Variants in SHANK2 observed in about 807,000 individuals in gnomAD.
The protein encoded by SHANK2 is SH3 and multiple ankyrin repeat domains 2, also known as SH3 and multiple ankyrin repeat domains protein 2.
SHANK2 carries 43 observed loss-of-function variants against 133.7 expected under a neutral mutation model. The observed-to-expected ratio is 0.32, with a 90% CI of 0.25 to 0.41. The LOEUF (loss-of-function observed/expected upper bound fraction) is 0.41. Ranked by LOEUF, SHANK2 falls within the 10% of genes least tolerant of loss-of-function variation. The pLI is 1.00. For synonymous variants in SHANK2, 1,017 were observed against 952.8 expected (o/e 1.07, Z -1.24); for missense variants, 1,994 against 2,235.8 (o/e 0.89, Z 2.18).
chr11:70,938,840 A>T (rs1950605783), intron 10 of SHANK2, among the ~76,000 whole-genome samples: 1 of 152,108 alleles, frequency 6.6e-6, no homozygotes, highest in Non-Finnish European at 1.5e-5. Context: ...CACGGCAGAG[A>T]AGGGAGGTGA....
chr11:71,226,087 C>T (rs1224630405), intron 1 of SHANK2, among the ~76,000 whole-genome samples: 1 of 152,174 alleles, frequency 6.6e-6, no homozygotes, highest in East Asian at 1.9e-4. Flanking sequence ...ATGCCATGCA[C>T]TCCAGCCTGG....
chr11:70,739,384 G>C lies in SHANK2; in HGVS notation c.1778-40621C>G, dbSNP rs1056857867. 1.3e-5 allele frequency among the ~76,000 whole-genome samples: 2 copies of C among 152,192 alleles called. No homozygotes were observed. The highest frequency in any genetic ancestry group is 2.9e-5 in the Non-Finnish European group (2 of 68,038). ...GGTGGACAATGAAGACAATCGTGTG[G>C]AGCAGCTGCTGCGGTGAGGCCAGGC... is the stretch of plus-strand genomic sequence containing the variant. On this transcript the variant is annotated intron_variant, in intron 14 of 25. Transcript: ENST00000601538. The surrounding 1 kb of genome is among the most constrained non-coding windows in gnomAD (Gnocchi z 4.3).
Position 70,838,647 on chromosome 11 carries a change from A to C in SHANK2, c.1175-17965T>G, listed in dbSNP as rs151307222. On this transcript the variant is annotated intron_variant, in intron 11 of 25. Coordinates refer to ENST00000601538, the MANE Select transcript of SHANK2 (RefSeq NM_012309.5). ...ATGCTGGGACTCAATTCTATACTCT[A>C]TCTCTCCTGTGGAAGAAATTACTGA... Among the ~76,000 whole-genome samples, 7 of 152,088 alleles carry C rather than the reference A, an allele frequency of 4.6e-5. No homozygotes were observed. In the East Asian group the frequency reaches 5.8e-4, roughly 13 times the overall value.
intron 21 of SHANK2, among the ~76,000 whole-genome samples, chr11:70,498,257 C>A (rs1451997020): frequency 3.3e-5 from 5 of 152,254 alleles, no homozygotes; most frequent in Admixed American, 6.5e-5. Context: ...AAAAGGAAAA[C>A]ACACACATCT....
At chr11:71,191,489 A>C (rs1181155999) in intron 2 of SHANK2, among the ~76,000 whole-genome samples, 2 of 151,712 alleles carry the variant, frequency 1.3e-5, no homozygotes, top group African/African-American at 2.4e-5. Context: ...CCCTCCACGC[A>C]TCCCTCATAG....
intron 10 of SHANK2, among the ~76,000 whole-genome samples, chr11:70,922,455 A>C (rs919287868): frequency 6.6e-6 from 1 of 152,210 alleles, no homozygotes; most frequent in Non-Finnish European, 1.5e-5. Context: ...CTAGGCACAC[A>C]AATACTGAAA....
intron 20 of SHANK2, among the ~76,000 whole-genome samples, chr11:70,501,331 CTGCCTGTG>C (rs1341778872): frequency 6.6e-6 from 1 of 152,238 alleles, no homozygotes; most frequent in Non-Finnish European, 1.5e-5. Flanking sequence ...CTCGGGAAAG[CTGCCTGTG>C]CCAGAGTGCA....
chr11:70,650,675 AC>A (rs1194722044), intron 17 of SHANK2, among the ~76,000 whole-genome samples: 1 of 151,904 alleles, frequency 6.6e-6, no homozygotes, highest in Non-Finnish European at 1.5e-5. Context: ...AACATTCCTG[AC>A]CCCCTAAGCT....
At chr11:70,621,465 C>G (rs782766570) in intron 17 of SHANK2, among the ~76,000 whole-genome samples, 6 of 152,222 alleles carry the variant, frequency 3.9e-5, no homozygotes, top group Non-Finnish European at 8.8e-5. Flanking sequence ...CTCTGCCCCA[C>G]CACACTGCCA....
In SHANK2 at chr11:71,084,957, T is replaced by C. The variant is rs1023929618; in HGVS notation, c.912+7465A>G. 2.0e-3 allele frequency among the ~76,000 whole-genome samples: 309 copies of C among 152,290 alleles called. 1 individual carries two copies. The highest frequency in any genetic ancestry group is 7.2e-3 in the African/African-American group (298 of 41,566). On this transcript the variant is annotated intron_variant, in intron 8 of 25. Coordinates refer to ENST00000601538, the MANE Select transcript of SHANK2 (RefSeq NM_012309.5). ...AATGCCCCCAAATTGCTACGGGTCC[T>C]ATACACATTTGACCATTTTTACAAA...
intron 14 of SHANK2, among the ~76,000 whole-genome samples, chr11:70,701,153 C>T (rs1186059552): frequency 2.6e-5 from 4 of 151,056 alleles, no homozygotes; most frequent in African/African-American, 4.9e-5. Flanking sequence ...GGAATGTGTG[C>T]GTGTGTGTGT....
At chr11:70,682,898 G>T (rs1223882833) in intron 15 of SHANK2, among the ~76,000 whole-genome samples, 1 of 152,144 alleles carries the variant, frequency 6.6e-6, no homozygotes, top group Non-Finnish European at 1.5e-5. Flanking sequence ...CACCACCGAG[G>T]CATGGGTCAG....
At chr11:70,559,865 C>CTTTATTTA (rs10645600) in intron 17 of SHANK2, among the ~76,000 whole-genome samples, 328 of 149,298 alleles carry the variant, frequency 2.2e-3, no homozygotes, top group African/African-American at 2.6e-3. Context: ...TGGGGGGTTG[C>CTTTATTTA]TTTATTTATT....
chr11:70,901,058 C>T (rs1410954693), intron 10 of SHANK2, among the ~76,000 whole-genome samples: 2 of 152,072 alleles, frequency 1.3e-5, no homozygotes, highest in African/African-American at 4.8e-5. Flanking sequence ...CAGGAGCGAC[C>T]TCTTTTGATC....
intron 15 of SHANK2, among the ~76,000 whole-genome samples, chr11:70,680,752 A>C (rs1277227010): frequency 6.6e-6 from 1 of 152,134 alleles, no homozygotes. Context: ...TTCCCTGGTG[A>C]GGCTCAAGGT....
rs1356720845 is a variant in SHANK2 at position 70,824,243 on chromosome 11, C to T, written c.1175-3561G>A. Among the ~76,000 whole-genome samples the T allele has an allele frequency of 1.3e-5, 2 of 152,038 alleles. 1 individual carries two copies. The highest frequency in any genetic ancestry group is 4.1e-4 in the South Asian group (2 of 4,820). On this transcript the variant is annotated intron_variant, in intron 11 of 25. Coordinates refer to ENST00000601538, the MANE Select transcript of SHANK2 (RefSeq NM_012309.5). ...AGAGCTAGAGCCAAGCCTGGGGAGCCGCACAGAGCTGCGCAAAGCGTCCTG... is the reference window on the plus strand; with the variant it reads ...AGAGCTAGAGCCAAGCCTGGGGAGCTGCACAGAGCTGCGCAAAGCGTCCTG...
At chr11:70,514,475 C>A (rs1554969694) in intron 17 of SHANK2, among the ~76,000 whole-genome samples, 1 of 152,192 alleles carries the variant, frequency 6.6e-6, no homozygotes, top group Non-Finnish European at 1.5e-5. Context: ...ATGATTCTCC[C>A]TCTTAATTTT....
rs1337895277 is a variant in SHANK2, at chr11:70,471,233, G to C, written c.*1636C>G. On this transcript the variant is annotated 3_prime_UTR_variant, in exon 26 of 26. Coordinates refer to ENST00000601538, the MANE Select transcript of SHANK2 (RefSeq NM_012309.5). This position sits in a 1 kb window ranked among gnomAD's most constrained non-coding sequence, Gnocchi z 4.1. Reference sequence around the variant, plus strand: ...TGCTAAATTTTATGTGTTCATTCTAGAGCTGTTCCAGACCTAATCAAGAAA... The same window carrying C: ...TGCTAAATTTTATGTGTTCATTCTACAGCTGTTCCAGACCTAATCAAGAAA... 7 of 394,866 alleles carry C rather than the reference G, an allele frequency of 1.8e-5. No individual in the cohort carries two copies. The highest frequency in any genetic ancestry group is 1.4e-4 in the East Asian group (4 of 28,004). The allele number at this position is 394,866 out of a possible 1,614,324, so 24.5% of individuals were successfully genotyped here.
At chr11:70,861,896 A>G (rs1555067863) in intron 11 of SHANK2, among the ~76,000 whole-genome samples, 1 of 152,190 alleles carries the variant, frequency 6.6e-6, no homozygotes, top group Non-Finnish European at 1.5e-5. Flanking sequence ...AGATGTGATC[A>G]GTTAGAAGAG....
Sources: gnomAD v4.1 joint callset for allele counts (sites outside exome capture counted in the v4.1 genomes callset) on GRCh38, gnomAD v4.1.1 for gene constraint, Gnocchi (gnomAD v3.1) non-coding constraint, MANE v1.5 for transcripts, NCBI Gene and HGNC (gene_info 2026-07-23, HGNC 2026-07-21) for gene names.